Variants in APOL3 observed in about 807,000 individuals in gnomAD.
The protein encoded by APOL3 is TNF-inducible protein CG12-1.
APOL3 carries 14 observed loss-of-function variants against 11.6 expected under a neutral mutation model. That is an observed-to-expected ratio of 1.21 (90% CI 0.80 to 1.89). The LOEUF is 1.89. Among genes scored for constraint, APOL3 ranks in the 40% most tolerant of loss-of-function variants. The pLI, the probability that APOL3 is intolerant of heterozygous loss-of-function variation, is 0.00. For missense variants in APOL3, 483 were observed against 492.1 expected, an observed-to-expected ratio of 0.98 and a Z score of 0.17; for synonymous variants, 192 against 190.6, an observed-to-expected ratio of 1.01 and a Z score of -0.06.
chr22:36,141,985 G>A lies in APOL3; in HGVS notation c.424C>T (p.Gln142Ter), dbSNP rs138619517. 1.2e-6 allele frequency: 2 copies of A among 1,614,176 alleles called. No homozygotes were observed. Among genetic ancestry groups the A allele is most frequent in the South Asian group, 1.1e-5 (1 of 91,076 alleles). Residue 142 changes from glutamine (Q) to a stop codon, truncating the protein, a stop_gained, in exon 3 of 3, where the codon CAG (glutamine) becomes TAG (stop). Coordinates refer to ENST00000349314, the Ensembl canonical transcript of APOL3. LOFTEE classifies it low-confidence loss of function (END_TRUNC). ...TCCCTAAACTGCTCATCTTTCTGCT[G>A]CACATATTCGTCCTCAATAGCTGCA...
intron 1 of APOL3, chr22:36,155,616 G>C (rs2012655882): frequency 6.4e-6 from 1 of 155,846 alleles, no homozygotes. Context: ...TGTTCAGTGT[G>C]TGACCCCCTA....
At chr22:36,146,001 T>TCTCTCTCTCTCTCTCTCTCC (rs1167261836) in intron 1 of APOL3, 1 of 67,988 alleles carries the variant, frequency 1.5e-5, no homozygotes, top group Non-Finnish European at 3.6e-5. Context: ...TCTCTCTCTC[T>TCTCTCTCTCTCTCTCTCTCC]CACACACTCA....
rs148712729 is a variant in APOL3 at position 36,160,834 on chromosome 22, T to C, written c.58A>G (p.Ser20Gly). 2.0e-4 allele frequency: 330 copies of C among 1,614,128 alleles called. 3 individuals are homozygous for C. In the African/African-American group the frequency reaches 4.0e-3, roughly 20 times the overall value. ...GTGAAAGTCACAACTTGGCAGCAGC[T>C]CCTGATCAAACATGCAAAACAGGAT... is the stretch of plus-strand genomic sequence containing the variant. Residue 20 changes from serine (S) to glycine (G), a missense_variant, in exon 1 of 3, where the codon AGC becomes GGC. Transcript: ENST00000349314.
At chr22:36,146,949 G>A (rs1006418519) in intron 1 of APOL3, among the ~76,000 whole-genome samples, 1 of 152,028 alleles carries the variant, frequency 6.6e-6, no homozygotes, top group Admixed American at 6.6e-5. Context: ...AGGTAAAATC[G>A]TTTCCTGCCG....
In APOL3 at chr22:36,160,608, T is replaced by A; in HGVS notation, c.223+61A>T. 1.9e-6 allele frequency: 3 copies of A among 1,558,060 alleles called. No individual in the cohort carries two copies. In the South Asian group the frequency reaches 3.3e-5, roughly 17 times the overall value. On this transcript the variant is annotated intron_variant, in intron 1 of 2. Transcript: ENST00000349314. ...TCATCTACAAAAGGTGAATGACCCT[T>A]CTCTTATAGAGCTGCTGTGAGGATG...
chr22:36,142,897 A>C (rs946094344), intron 2 of APOL3, among the ~76,000 whole-genome samples: 1 of 152,226 alleles, frequency 6.6e-6, no homozygotes, highest in Admixed American at 6.5e-5. Flanking sequence ...CCCCCAAGGC[A>C]GTTAGGGAGG....
upstream of APOL3, chr22:36,165,537 C>T (rs773705078): frequency 6.6e-6 from 1 of 152,164 alleles, no homozygotes; most frequent in South Asian, 2.1e-4. Flanking sequence ...TCCTGGTTAG[C>T]CCCCTTTCTT....
At chr22:36,153,751 A>C (rs778777793) in intron 1 of APOL3, among the ~76,000 whole-genome samples, 1 of 152,252 alleles carries the variant, frequency 6.6e-6, no homozygotes, top group African/African-American at 2.4e-5. Flanking sequence ...TTATTTTGCC[A>C]AGGTTGAGGA....
At chr22:36,149,171 C>A in intron 1 of APOL3, 29 bp from the exon 2 acceptor site, 1 of 1,349,952 alleles carries the variant, frequency 7.4e-7, no homozygotes, top group Non-Finnish European at 9.9e-7. Flanking sequence ...AATTGTGGGA[C>A]TGAATGTGAG....
At chr22:36,142,951 G>T (rs998360203) in intron 2 of APOL3, among the ~76,000 whole-genome samples, 1 of 152,160 alleles carries the variant, frequency 6.6e-6, no homozygotes, top group Non-Finnish European at 1.5e-5. Context: ...GTCTGATCAC[G>T]GTCTTCACCC....
At chr22:36,156,778 C>T (rs188366795) in intron 1 of APOL3, 3 of 340,096 alleles carry the variant, frequency 8.8e-6, no homozygotes, top group Non-Finnish European at 1.8e-5. Context: ...CCTCTGTCTC[C>T]CCGTTAAACT....
chr22:36,148,657 C>T (rs1239394022), intron 1 of APOL3, among the ~76,000 whole-genome samples: 1 of 152,174 alleles, frequency 6.6e-6, no homozygotes, highest in Non-Finnish European at 1.5e-5. Context: ...CAGCTGGGAG[C>T]AGAGCGGGAG....
At chr22:36,159,281 G>C (rs982431039) in intron 1 of APOL3, 2 of 152,168 alleles carry the variant, frequency 1.3e-5, no homozygotes, top group Non-Finnish European at 1.5e-5. Flanking sequence ...TCAGCAGCCT[G>C]CTGGGGGTCA....
intron 1 of APOL3, chr22:36,150,070 C>G (rs920071102): frequency 1.7e-5 from 6 of 359,306 alleles, no homozygotes; most frequent in African/African-American, 6.4e-5. Context: ...CCTGAGCCCC[C>G]CAAAGTCCTG....
chr22:36,155,483 A>C (rs1458779934), intron 1 of APOL3, among the ~76,000 whole-genome samples: 2 of 152,186 alleles, frequency 1.3e-5, no homozygotes, highest in East Asian at 3.9e-4. Flanking sequence ...GCCCCCATGC[A>C]ACCATGGTGA....
At chr22:36,156,896 G>A (rs949288887) in intron 1 of APOL3, 3 of 454,388 alleles carry the variant, frequency 6.6e-6, no homozygotes, top group Non-Finnish European at 1.3e-5. Context: ...CGAGGTGTGG[G>A]AGGCAGCACT....
chr22:36,142,102 A>G, intron 2 of APOL3, 44 bp from the exon 4 acceptor site: 6 of 1,539,116 alleles, frequency 3.9e-6, no homozygotes, highest in Non-Finnish European at 5.2e-6. Flanking sequence ...CAGCTTACTT[A>G]TCTGTAAAAT....
At chr22:36,157,927 G>A (rs2013162147) in intron 1 of APOL3, among the ~76,000 whole-genome samples, 2 of 152,150 alleles carry the variant, frequency 1.3e-5, no homozygotes, top group African/African-American at 4.8e-5. Flanking sequence ...GCACGCGCCT[G>A]TAGTCCTAGC....
intron 1 of APOL3, among the ~76,000 whole-genome samples, chr22:36,152,848 T>C (rs964808519): frequency 4.6e-5 from 7 of 152,146 alleles, no homozygotes; most frequent in Admixed American, 6.6e-5. Flanking sequence ...CTGGTTCACA[T>C]CTGTAATCCC....
Sources: gnomAD v4.1 joint callset for allele counts (sites outside exome capture counted in the v4.1 genomes callset) on GRCh38, gnomAD v4.1.1 for gene constraint, MANE v1.5 for transcripts, NCBI Gene and HGNC (gene_info 2026-07-23, HGNC 2026-07-21) for gene names.